The following CCDC178 variants were observed in gnomAD, a reference collection of about 807,000 sequenced individuals.
CCDC178 encodes coiled-coil domain-containing protein 178.
In CCDC178, 126 loss-of-function variants were observed where a neutral mutation model predicts 117.4. The observed-to-expected ratio is 1.07, with a 90% confidence interval of 0.93 to 1.24. The LOEUF (loss-of-function observed/expected upper bound fraction) is 1.24, where lower values mean the gene tolerates loss of function less well. Ranked by LOEUF, CCDC178 falls within the 50% of genes most tolerant of loss-of-function variation. The probability of loss-of-function intolerance (pLI) is 0.00; values close to 1 mark genes in which losing one functional copy is unlikely to be tolerated. For synonymous variants in CCDC178, 283 were observed against 313.4 expected (o/e 0.90, Z 1.02); for missense variants, 1,030 against 986.9 (o/e 1.04, Z -0.59).
chr18:33,038,767 T>C (rs2056491508), intron 21 of CCDC178, among the ~76,000 whole-genome samples: 1 of 152,004 alleles, frequency 6.6e-6, no homozygotes, highest in Admixed American at 6.6e-5. Context: ...TGAAATGGAA[T>C]CTTAAGACAA....
chr18:33,097,009 G>A (rs1351674353), intron 20 of CCDC178, among the ~76,000 whole-genome samples: 2 of 152,004 alleles, frequency 1.3e-5, no homozygotes, highest in Non-Finnish European at 2.9e-5. Context: ...TTCCAAAAAT[G>A]GCCACAGCAA....
intron 21 of CCDC178, among the ~76,000 whole-genome samples, chr18:33,034,113 T>C (rs1328245628): frequency 6.6e-6 from 1 of 151,886 alleles, no homozygotes; most frequent in African/African-American, 2.4e-5. Flanking sequence ...AACCTTGGAG[T>C]CATCCTAGGC....
At chr18:33,094,756 G>T (rs748578246) in intron 20 of CCDC178, among the ~76,000 whole-genome samples, 1 of 151,530 alleles carries the variant, frequency 6.6e-6, no homozygotes, top group Non-Finnish European at 1.5e-5. Context: ...TTTATATATC[G>T]CAATTAGAAT....
rs2055452658 is a variant in CCDC178, at chr18:32,994,105, C to G, written c.2389-19424G>C. 2.6e-5 allele frequency among the ~76,000 whole-genome samples: 4 copies of G among 152,250 alleles called. No homozygotes were observed. The South Asian group carries it at 8.3e-4, about 32-fold the overall frequency. On this transcript the variant is annotated intron_variant, in intron 21 of 22. Coordinates refer to ENST00000383096, the MANE Select transcript of CCDC178 (RefSeq NM_001105528.4). ...ATTATCTCTAAAAAAGCCTGCCTCA[C>G]TCTGACCCAGGATAGCCTCAGAGTT...
At chr18:32,978,657 T>C (rs993702094) in intron 21 of CCDC178, among the ~76,000 whole-genome samples, 1 of 152,172 alleles carries the variant, frequency 6.6e-6, no homozygotes, top group Non-Finnish European at 1.5e-5. Flanking sequence ...AGTAAGGATA[T>C]CAGAAATCAA....
intron 11 of CCDC178, among the ~76,000 whole-genome samples, chr18:33,321,456 C>G (rs1031234506): frequency 6.6e-6 from 1 of 151,940 alleles, no homozygotes; most frequent in Non-Finnish European, 1.5e-5. Context: ...TAAAAAATAA[C>G]CTTGACTACT....
chr18:33,029,985 T>C (rs753019377), intron 21 of CCDC178, among the ~76,000 whole-genome samples: 3 of 152,026 alleles, frequency 2.0e-5, no homozygotes, highest in Non-Finnish European at 4.4e-5. Flanking sequence ...TGCTGTTAGA[T>C]CTTAGGTTAA....
At chr18:33,357,157 T>C (rs1386791230) in intron 6 of CCDC178, among the ~76,000 whole-genome samples, 2 of 152,116 alleles carry the variant, frequency 1.3e-5, no homozygotes, top group African/African-American at 4.8e-5. Context: ...CTTGCATGTA[T>C]TGATTTATGT....
intron 18 of CCDC178, among the ~76,000 whole-genome samples, chr18:33,219,369 A>G (rs569279973): frequency 2.0e-4 from 31 of 152,220 alleles, no homozygotes; most frequent in African/African-American, 7.0e-4. Flanking sequence ...ACAGTGTGGC[A>G]ATTCCTCAAG....
intron 14 of CCDC178, among the ~76,000 whole-genome samples, chr18:33,265,941 T>C (rs189287561): frequency 6.6e-4 from 101 of 152,084 alleles, no homozygotes; most frequent in African/African-American, 2.1e-3. Context: ...GTGGAATAGT[T>C]CTTGTTGATC....
At chr18:33,337,710 A>G (rs935875487) in intron 9 of CCDC178, among the ~76,000 whole-genome samples, 3 of 152,200 alleles carry the variant, frequency 2.0e-5, no homozygotes, top group Non-Finnish European at 2.9e-5. Context: ...AGCCACATGT[A>G]GAAGAATGAA....
At chr18:33,345,726 G>T (rs2144676287) in intron 9 of CCDC178, among the ~76,000 whole-genome samples, 1 of 152,228 alleles carries the variant, frequency 6.6e-6, no homozygotes. Flanking sequence ...AGACCCAAAG[G>T]ACATCAGGTC....
intron 21 of CCDC178, among the ~76,000 whole-genome samples, chr18:33,024,809 ATTTTT>A (rs34250187): frequency 7.2e-5 from 10 of 139,490 alleles, no homozygotes; most frequent in African/African-American, 2.6e-4. Context: ...ATGCTCAGCT[ATTTTT>A]TTTTTTTTTT....
At chr18:33,192,746 C>CA (rs1382181774) in intron 20 of CCDC178, among the ~76,000 whole-genome samples, 1 of 150,162 alleles carries the variant, frequency 6.7e-6, no homozygotes, top group East Asian at 2.0e-4. Flanking sequence ...ACTAAAAATA[C>CA]AAAAATTAGC....
At chr18:33,013,155 C>T (rs2055908090) in intron 21 of CCDC178, among the ~76,000 whole-genome samples, 1 of 152,024 alleles carries the variant, frequency 6.6e-6, no homozygotes, top group Non-Finnish European at 1.5e-5. Flanking sequence ...AATTTTACTC[C>T]CACCAAGCTT....
intron 14 of CCDC178, among the ~76,000 whole-genome samples, chr18:33,252,085 T>C (rs993040609): frequency 1.3e-5 from 2 of 151,628 alleles, no homozygotes; most frequent in African/African-American, 4.8e-5. Context: ...GCTAGTAGAG[T>C]AAGTTAGAAA....
chr18:33,228,221 G>A (rs1248842997), intron 15 of CCDC178, among the ~76,000 whole-genome samples: 5 of 152,102 alleles, frequency 3.3e-5, no homozygotes, highest in African/African-American at 1.2e-4. Flanking sequence ...AGTGAAGAAT[G>A]GTAAGCAAAG....
chr18:33,034,844 T>C (rs2056412471), intron 21 of CCDC178, among the ~76,000 whole-genome samples: 1 of 152,072 alleles, frequency 6.6e-6, no homozygotes, highest in African/African-American at 2.4e-5. Flanking sequence ...ATCTCAATGA[T>C]AATTATCTTA....
intron 20 of CCDC178, among the ~76,000 whole-genome samples, chr18:33,166,410 A>G (rs564265579): frequency 3.7e-4 from 57 of 152,314 alleles, no homozygotes; most frequent in African/African-American, 1.4e-3. Flanking sequence ...TGAATGACAT[A>G]GAAACTTAGA....
Sources: allele counts gnomAD v4.1 joint callset (sites outside exome capture counted in the v4.1 genomes callset), GRCh38; gene constraint gnomAD v4.1.1; transcripts MANE v1.5; gene names NCBI Gene and HGNC (gene_info 2026-07-23, HGNC 2026-07-21).